Variants in MRTFA observed in about 807,000 individuals in gnomAD.
MRTFA encodes the protein myocardin related transcription factor A.
In MRTFA, 20 loss-of-function variants were observed where a neutral mutation model predicts 83.5. That is an observed-to-expected ratio of 0.24 (90% CI 0.17 to 0.35). The LOEUF is 0.35. Ranked by LOEUF, MRTFA falls within the 10% of genes least tolerant of loss-of-function variation. MRTFA has a pLI of 1.00. For synonymous variants in MRTFA, 659 were observed against 541.2 expected, an observed-to-expected ratio of 1.22 and a Z score of -3.02; for missense variants, 1,200 against 1,224.7, an observed-to-expected ratio of 0.98 and a Z score of 0.30.
chr22:40,469,292 G>C (rs930448872), intron 3 of MRTFA, among the ~76,000 whole-genome samples: 2 of 152,192 alleles, frequency 1.3e-5, no homozygotes, highest in Admixed American at 1.3e-4. Context: ...CCTGGGAGTG[G>C]CTTGGTGCCC....
chr22:40,494,916 G>A (rs2054326404), intron 3 of MRTFA, among the ~76,000 whole-genome samples: 2 of 152,154 alleles, frequency 1.3e-5, no homozygotes, highest in South Asian at 4.1e-4. Context: ...GGAATTTTGG[G>A]AGGTGATGGA....
intron 1 of MRTFA, among the ~76,000 whole-genome samples, chr22:40,608,082 T>A (rs1435779186): frequency 1.5e-4 from 23 of 152,204 alleles, no homozygotes; most frequent in Admixed American, 1.5e-3. Flanking sequence ...TGGAGTGCAG[T>A]GGCACAATCT....
chr22:40,470,257 A>ATATATATATATATT (rs1569283440), intron 3 of MRTFA, among the ~76,000 whole-genome samples: 7 of 111,748 alleles, frequency 6.3e-5, no homozygotes, highest in African/African-American at 2.9e-4. Context: ...ATATATATAT[A>ATATATATATATATT]TATATATATA....
intron 3 of MRTFA, among the ~76,000 whole-genome samples, chr22:40,495,776 A>AT (rs1186941392): frequency 2.0e-5 from 3 of 147,794 alleles, no homozygotes; most frequent in African/African-American, 7.4e-5. Flanking sequence ...AAAAAAAAAA[A>AT]GTACACTGTC....
intron 3 of MRTFA, among the ~76,000 whole-genome samples, chr22:40,507,912 G>A (rs1249856982): frequency 3.8e-5 from 5 of 132,494 alleles, no homozygotes; most frequent in African/African-American, 1.1e-4. Flanking sequence ...GCAGTGAGCC[G>A]AGATCAAGCC....
intron 2 of MRTFA, among the ~76,000 whole-genome samples, chr22:40,567,874 G>A (rs1468379795): frequency 6.6e-6 from 1 of 152,080 alleles, no homozygotes; most frequent in Admixed American, 6.6e-5. Flanking sequence ...ATATCCTTAG[G>A]TTTCTCAATG....
intron 3 of MRTFA, among the ~76,000 whole-genome samples, chr22:40,469,387 C>T (rs1163139364): frequency 1.3e-5 from 2 of 152,160 alleles, no homozygotes; most frequent in African/African-American, 2.4e-5. Context: ...CTCCCTCTCT[C>T]GCCATGTGAC....
intron 3 of MRTFA, among the ~76,000 whole-genome samples, chr22:40,474,644 G>T (rs1461156153): frequency 6.7e-6 from 1 of 149,168 alleles, no homozygotes; most frequent in Non-Finnish European, 1.5e-5. Context: ...CCTACTGTAT[G>T]CCAGATACTC....
chr22:40,622,162 A>G (rs2056530143), intron 1 of MRTFA, among the ~76,000 whole-genome samples: 1 of 152,154 alleles, frequency 6.6e-6, no homozygotes. Context: ...AAAAAGGGCT[A>G]GGAGTCTTTG....
intron 3 of MRTFA, among the ~76,000 whole-genome samples, chr22:40,537,012 TGGG>T (rs1198766025): frequency 7.0e-4 from 26 of 37,380 alleles, no homozygotes; most frequent in African/African-American, 2.9e-3. Flanking sequence ...GGGAGGGAGG[TGGG>T]GGGGGGTCAG....
chr22:40,521,653 C>CA (rs2054868888), intron 3 of MRTFA: 1 of 152,100 alleles, frequency 6.6e-6, no homozygotes. Flanking sequence ...TGCCCGCTAC[C>CA]ACGCCTGGCC....
At chr22:40,449,135 C>T (rs148817135) in intron 4 of MRTFA, among the ~76,000 whole-genome samples, 2,782 of 151,842 alleles carry the variant, frequency 0.018, 81 homozygotes, top group African/African-American at 0.064. Context: ...GGCGTGGTGG[C>T]GGGTGCCTGT....
At chr22:40,572,875 C>A (rs1327054559) in intron 2 of MRTFA, among the ~76,000 whole-genome samples, 3 of 152,288 alleles carry the variant, frequency 2.0e-5, no homozygotes, top group African/African-American at 7.2e-5. Flanking sequence ...CACTTCCCAC[C>A]GGGTTCCTCC....
At chr22:40,432,866 G>A (rs1053859785) in intron 5 of MRTFA, among the ~76,000 whole-genome samples, 1 of 152,286 alleles carries the variant, frequency 6.6e-6, no homozygotes, top group East Asian at 1.9e-4. Context: ...CTGCAGCAGA[G>A]ATTGGTAGAG....
At chr22:40,498,168 T>C (rs1341225422) in intron 3 of MRTFA, among the ~76,000 whole-genome samples, 1 of 149,016 alleles carries the variant, frequency 6.7e-6, no homozygotes, top group Non-Finnish European at 1.5e-5. Flanking sequence ...TTTACTATAT[T>C]TACAAATATA....
chr22:40,434,717 G>A (rs1311165204), intron 5 of MRTFA, among the ~76,000 whole-genome samples: 4 of 152,284 alleles, frequency 2.6e-5, no homozygotes, highest in East Asian at 1.9e-4. Context: ...GTGAGACTCC[G>A]TCTCAAAAAA....
chr22:40,431,479 G>A lies in MRTFA; in HGVS notation c.365C>T (p.Thr122Ile). The change falls in exon 6 of 15, where the codon ACA becomes ATA. Residue 122 changes from threonine (T) to isoleucine (I), a missense_variant and splice_region_variant. Physicochemically the swap from Thr to Ile is moderately conservative, Grantham distance 89. Transcript: ENST00000355630. Reference sequence around the variant, plus strand: ...AATCTTCCGTTTGAGATAGTCCTCTGTCTACAGAAAAAACACACCAAGAAA... The same window carrying A: ...AATCTTCCGTTTGAGATAGTCCTCTATCTACAGAAAAAACACACCAAGAAA... 6.2e-7 allele frequency: 1 copy of A among 1,613,826 alleles called. No individual in the cohort carries two copies. The highest frequency in any genetic ancestry group is 2.2e-5 in the East Asian group (1 of 44,876).
chr22:40,561,196 C>CTG (rs752792495), intron 2 of MRTFA, among the ~76,000 whole-genome samples: 20 of 140,808 alleles, frequency 1.4e-4, no homozygotes, highest in East Asian at 9.1e-4. Flanking sequence ...ATGGGTATCT[C>CTG]TGTGTGTGTG....
intron 1 of MRTFA, among the ~76,000 whole-genome samples, chr22:40,634,357 TGCTAGGATTACAGGCGTAA>T (rs1481169320): frequency 6.6e-6 from 1 of 152,220 alleles, no homozygotes; most frequent in Admixed American, 6.5e-5. Context: ...CCTCCCGAAG[TGCTAGGATTACAGGCGTAA>T]GCCACTGTGC....
Sources: gnomAD v4.1 joint callset for allele counts (sites outside exome capture counted in the v4.1 genomes callset) on GRCh38, gnomAD v4.1.1 for gene constraint, MANE v1.5 for transcripts, NCBI Gene and HGNC (gene_info 2026-07-23, HGNC 2026-07-21) for gene names.